BMPER: variants seen among roughly 807,000 people sequenced by gnomAD.
The protein encoded by BMPER is BMP binding endothelial regulator.
BMPER carries 45 observed loss-of-function variants against 87.3 expected under a neutral mutation model. The observed-to-expected ratio is 0.52, with a 90% CI of 0.41 to 0.66. The LOEUF is 0.66. BMPER is among the 30% of genes least tolerant of loss of function. BMPER has a pLI of 0.00. For missense variants in BMPER, 784 were observed against 867.5 expected (o/e 0.90, Z 1.21); for synonymous variants, 326 against 316.2 (o/e 1.03, Z -0.33).
chr7:34,120,548 A>G (rs1790237501), intron 13 of BMPER, among the ~76,000 whole-genome samples: 1 of 152,094 alleles, frequency 6.6e-6, no homozygotes, highest in Non-Finnish European at 1.5e-5. Context: ...ACAGGCGTGC[A>G]CCATCACGCC....
chr7:34,085,676 C>G (rs569547414), intron 12 of BMPER, 80 bp from the exon 13 acceptor site: 4 of 1,311,316 alleles, frequency 3.1e-6, no homozygotes, highest in Non-Finnish European at 4.3e-6. Context: ...GTCATATGTT[C>G]TGTGTAAGGA....
At chr7:34,141,470 G>A (rs1790867886) in intron 13 of BMPER, among the ~76,000 whole-genome samples, 1 of 151,864 alleles carries the variant, frequency 6.6e-6, no homozygotes, top group Non-Finnish European at 1.5e-5. Context: ...AATTAGCCTG[G>A]CATGGTGGTG....
chr7:34,115,737 T>C (rs989062000), intron 13 of BMPER, among the ~76,000 whole-genome samples: 1 of 152,260 alleles, frequency 6.6e-6, no homozygotes, highest in Non-Finnish European at 1.5e-5. Context: ...CCATTCATTG[T>C]TTGATGGACA....
chr7:34,141,320 C>A (rs1416637362), intron 13 of BMPER, among the ~76,000 whole-genome samples: 1 of 152,080 alleles, frequency 6.6e-6, no homozygotes, highest in Non-Finnish European at 1.5e-5. Flanking sequence ...TTAAGAAATA[C>A]AATCTTGAGC....
intron 6 of BMPER, among the ~76,000 whole-genome samples, chr7:33,996,751 A>T (rs989859665): frequency 6.6e-6 from 1 of 152,224 alleles, no homozygotes; most frequent in Non-Finnish European, 1.5e-5. Context: ...AAATAAGTTT[A>T]AAAAGGTGAA....
In BMPER at chr7:34,045,414, T is replaced by A. The variant is rs1297645839; in HGVS notation, c.577-892T>A. Reference sequence around the variant, plus strand: ...CTCTGGTGAGGGATAGGAGGGGAAGTCGTCAGACTATATCCTTAGGCAGGG... The same window carrying A: ...CTCTGGTGAGGGATAGGAGGGGAAGACGTCAGACTATATCCTTAGGCAGGG... On this transcript the variant is annotated intron_variant, in intron 6 of 14. Transcript: ENST00000649409. Among the ~76,000 whole-genome samples the A allele has an allele frequency of 2.0e-5, 3 of 152,044 alleles. No individual in the cohort carries two copies. The South Asian group carries it at 6.2e-4, about 32-fold the overall frequency.
intron 6 of BMPER, among the ~76,000 whole-genome samples, chr7:34,022,888 A>G (rs1787234053): frequency 6.6e-6 from 1 of 151,888 alleles, no homozygotes; most frequent in East Asian, 1.9e-4. Context: ...TTCCTGTTGG[A>G]AGTAAAAAGT....
chr7:33,921,772 C>A, intron 2 of BMPER: 1 of 471,016 alleles, frequency 2.1e-6, no homozygotes. Context: ...TTTGTTGCTT[C>A]TTCAGCATGA....
chr7:34,021,714 G>T (rs1024549558), intron 6 of BMPER, among the ~76,000 whole-genome samples: 4 of 152,034 alleles, frequency 2.6e-5, no homozygotes, highest in Admixed American at 6.6e-5. Flanking sequence ...GAAACATAAA[G>T]GATATCTAGC....
At chr7:33,996,873 A>C (rs1786427005) in intron 6 of BMPER, among the ~76,000 whole-genome samples, 1 of 152,244 alleles carries the variant, frequency 6.6e-6, no homozygotes. Context: ...TTATTTTTGT[A>C]CTAAGACTTT....
intron 11 of BMPER, among the ~76,000 whole-genome samples, chr7:34,073,319 T>C (rs1359117309): frequency 1.3e-5 from 2 of 152,354 alleles, no homozygotes; most frequent in South Asian, 2.1e-4. Context: ...AGTGCACTTA[T>C]ACACAAACCT....
chr7:33,961,771 C>T (rs1218412594), intron 3 of BMPER, among the ~76,000 whole-genome samples: 1 of 151,984 alleles, frequency 6.6e-6, no homozygotes, highest in Non-Finnish European at 1.5e-5. Context: ...AGCCAGATTG[C>T]CTTAGTTGAG....
chr7:33,957,144 A>G (rs1052957038), intron 3 of BMPER, among the ~76,000 whole-genome samples: 1 of 152,090 alleles, frequency 6.6e-6, no homozygotes, highest in African/African-American at 2.4e-5. Context: ...GCTGTGATGA[A>G]TAAATGTTCA....
chr7:33,925,512 T>C (rs1784336903), intron 2 of BMPER, among the ~76,000 whole-genome samples: 1 of 152,210 alleles, frequency 6.6e-6, no homozygotes, highest in Non-Finnish European at 1.5e-5. Flanking sequence ...TAAAAATAGA[T>C]ATTACCACTC....
rs1421236090 is a variant in BMPER at position 34,008,894 on chromosome 7, C to T, written c.576+34110C>T. On this transcript the variant is annotated intron_variant, in intron 6 of 14. Coordinates refer to ENST00000649409, the MANE Select transcript of BMPER (RefSeq NM_001365308.1). ...TCTCACTCTGTTGCTGAGGCTGCAGCACAGTAGTGCAATCATAGCTCACTG... is the reference window on the plus strand; with the variant it reads ...TCTCACTCTGTTGCTGAGGCTGCAGTACAGTAGTGCAATCATAGCTCACTG... Among the ~76,000 whole-genome samples the T allele has an allele frequency of 3.2e-4, 48 of 151,900 alleles. 1 individual carries two copies.
chr7:34,044,498 C>T (rs1041753297), intron 6 of BMPER, among the ~76,000 whole-genome samples: 17 of 152,228 alleles, frequency 1.1e-4, no homozygotes, highest in African/African-American at 4.1e-4. Flanking sequence ...AAGCTAAGGG[C>T]AGCATCTTGG....
chr7:34,099,627 G>A lies in BMPER; in HGVS notation c.1745+13535G>A, dbSNP rs185541492. Among the ~76,000 whole-genome samples the A allele has an allele frequency of 3.3e-3, 496 of 152,152 alleles. 2 individuals are homozygous for A. The highest frequency in any genetic ancestry group is 0.014 in the Middle Eastern group (4 of 294). The stretch of plus-strand genomic sequence containing the variant: ...TTCTCTACTCACATTTTTGTTTCTG[G>A]TCCACAGTATTAATTCTTAAGATAA... On this transcript the variant is annotated intron_variant, in intron 13 of 14. Coordinates refer to ENST00000649409, the MANE Select transcript of BMPER (RefSeq NM_001365308.1).
At chr7:34,022,146 G>A (rs1445040071) in intron 6 of BMPER, among the ~76,000 whole-genome samples, 1 of 152,054 alleles carries the variant, frequency 6.6e-6, no homozygotes, top group Non-Finnish European at 1.5e-5. Context: ...CACATGATGG[G>A]CCTTTTAGGA....
rs149984827 is a variant in BMPER, at chr7:34,060,993, C to T, written c.1033-1009C>T. On this transcript the variant is annotated intron_variant, in intron 10 of 14. Transcript: ENST00000649409. ...TTAGGTTTGATTTTTGGTTCTACTA[C>T]TCTTGTGTTGCATGACCTCAATTTC... is the stretch of plus-strand genomic sequence containing the variant. Among the ~76,000 whole-genome samples the T allele has an allele frequency of 2.7e-4, 41 of 152,306 alleles. No homozygotes were observed. In the East Asian group the frequency reaches 7.9e-3, roughly 29 times the overall value.
Sources: gnomAD v4.1 joint callset for allele counts (sites outside exome capture counted in the v4.1 genomes callset) on GRCh38, gnomAD v4.1.1 for gene constraint, MANE v1.5 for transcripts, NCBI Gene and HGNC (gene_info 2026-07-23, HGNC 2026-07-21) for gene names.